The following TAFA4 variants were observed in gnomAD, a reference collection of about 807,000 sequenced individuals.
TAFA4 encodes chemokine-like protein TAFA-4.
TAFA4 carries 20 observed loss-of-function variants against 21.1 expected under a neutral mutation model. That is an observed-to-expected ratio of 0.95 (90% CI 0.67 to 1.38). The LOEUF (loss-of-function observed/expected upper bound fraction) is 1.38. TAFA4 is among the 40% of genes most tolerant of loss of function. The pLI, the probability that TAFA4 is intolerant of heterozygous loss-of-function variation, is 0.00. For missense variants in TAFA4, 211 were observed against 180.9 expected (o/e 1.17, Z -0.95); for synonymous variants, 71 against 67.4 (o/e 1.05, Z -0.26).
chr3:68,832,728 C>T (rs748912259), intron 3 of TAFA4, among the ~76,000 whole-genome samples: 7 of 152,210 alleles, frequency 4.6e-5, no homozygotes, highest in Non-Finnish European at 1.0e-4. Context: ...AGCTGTCAGG[C>T]AGTGACGTTT....
At chr3:68,802,777 T>G (rs1039095608) in intron 3 of TAFA4, among the ~76,000 whole-genome samples, 4 of 152,204 alleles carry the variant, frequency 2.6e-5, no homozygotes, top group Non-Finnish European at 4.4e-5. Flanking sequence ...GCATAGAACA[T>G]CCGAGAAATC....
chr3:68,841,838 T>A (rs902258827), intron 3 of TAFA4, among the ~76,000 whole-genome samples: 10 of 152,132 alleles, frequency 6.6e-5, no homozygotes, highest in Admixed American at 3.3e-4. Flanking sequence ...AGAATGATGG[T>A]TTCCAGCTTC....
chr3:68,833,974 T>C (rs183191019), intron 3 of TAFA4, among the ~76,000 whole-genome samples: 41 of 152,286 alleles, frequency 2.7e-4, no homozygotes, highest in African/African-American at 8.9e-4. Context: ...TAACACTCAG[T>C]TGGAGGGGAG....
At chr3:68,909,754 C>T (rs1383383686) in intron 1 of TAFA4, among the ~76,000 whole-genome samples, 2 of 152,220 alleles carry the variant, frequency 1.3e-5, no homozygotes, top group Admixed American at 1.3e-4. Context: ...TCTAATGCTG[C>T]ATAATGGATT....
intron 3 of TAFA4, among the ~76,000 whole-genome samples, chr3:68,857,204 A>G (rs1705090145): frequency 6.6e-6 from 1 of 152,154 alleles, no homozygotes; most frequent in South Asian, 2.1e-4. Context: ...CAAACTGCCA[A>G]ACGTTGTCAT....
intron 3 of TAFA4, among the ~76,000 whole-genome samples, chr3:68,855,698 A>G (rs900920824): frequency 2.6e-5 from 4 of 152,208 alleles, no homozygotes; most frequent in African/African-American, 9.6e-5. Context: ...GTGTATATAA[A>G]TTCACTGAAA....
chr3:68,765,764 A>C (rs2106774062), intron 3 of TAFA4, among the ~76,000 whole-genome samples: 1 of 152,288 alleles, frequency 6.6e-6, no homozygotes, highest in South Asian at 2.1e-4. Context: ...ACAGACATTT[A>C]ATAGCCTTTT....
rs111610374 is a variant in TAFA4, at chr3:68,841,416, G to A, written c.130+39314C>T. On this transcript the variant is annotated intron_variant, in intron 3 of 5. Coordinates refer to ENST00000295569, the MANE Select transcript of TAFA4 (RefSeq NM_182522.5). ...GTCCCTGTGGTTTCACAATTGGCTG[G>A]CACTGTTCTTACCTTCTTTCCTGAC... is the stretch of plus-strand genomic sequence containing the variant. 1.2e-3 allele frequency among the ~76,000 whole-genome samples: 177 copies of A among 152,160 alleles called. 2 individuals carry two copies. Among genetic ancestry groups the A allele is most frequent in the African/African-American group, 3.9e-3 (161 of 41,492 alleles).
chr3:68,742,699 T>C (rs1021470224), intron 4 of TAFA4, among the ~76,000 whole-genome samples: 2 of 152,190 alleles, frequency 1.3e-5, no homozygotes, highest in African/African-American at 4.8e-5. Flanking sequence ...GAAAACCACT[T>C]GTTCCCCAAA....
intron 1 of TAFA4, among the ~76,000 whole-genome samples, chr3:68,929,998 C>A (rs1453373769): frequency 1.3e-5 from 2 of 152,226 alleles, no homozygotes; most frequent in Admixed American, 1.3e-4. Flanking sequence ...ATATCACATG[C>A]ATCAACATGC....
chr3:68,793,974 TG>T (rs1703411044), intron 3 of TAFA4, among the ~76,000 whole-genome samples: 1 of 152,222 alleles, frequency 6.6e-6, no homozygotes, highest in South Asian at 2.1e-4. Flanking sequence ...CATTTAAAAG[TG>T]GACAGGTTGT....
Position 68,917,495 on chromosome 3 carries a change from C to T in TAFA4, c.-123+14745G>A, listed in dbSNP as rs181723996. ...AACGACCGGGCATGGTGGCTCACACCTGTAATCCCAGCACTTTGGGAGGCC... is the reference window on the plus strand; with the variant it reads ...AACGACCGGGCATGGTGGCTCACACTTGTAATCCCAGCACTTTGGGAGGCC... On this transcript the variant is annotated intron_variant, in intron 1 of 5. Transcript: ENST00000295569. Among the ~76,000 whole-genome samples the T allele has an allele frequency of 2.4e-3, 359 of 152,114 alleles. 1 individual carries two copies. The highest frequency in any genetic ancestry group is 8.4e-3 in the African/African-American group (350 of 41,466).
rs74336419 is a variant in TAFA4 at position 68,740,539 on chromosome 3, G to T, written c.287-1340C>A. On this transcript the variant is annotated intron_variant, in intron 4 of 5. Transcript: ENST00000295569. ...CTCCTTTTCCTACTTTTTAATTAGG[G>T]TATTAATTTTTGGCACTTGAGCAGG... Among the ~76,000 whole-genome samples the T allele has an allele frequency of 1.9e-4, 29 of 152,194 alleles. No individual in the cohort carries two copies. The East Asian group carries it at 5.6e-3, about 29-fold the overall frequency.
At chr3:68,893,849 A>C (rs918719251) in intron 1 of TAFA4, among the ~76,000 whole-genome samples, 1 of 152,234 alleles carries the variant, frequency 6.6e-6, no homozygotes, top group Non-Finnish European at 1.5e-5. Context: ...TGGACAAAAC[A>C]AGGAAATATT....
chr3:68,880,818 C>T lies in TAFA4; in HGVS notation c.42G>A (p.Leu14=), dbSNP rs77227101. The change falls in exon 3 of 6, where the codon TTG becomes TTA. Residue 14 remains leucine, a synonymous_variant. Coordinates refer to ENST00000295569, the MANE Select transcript of TAFA4 (RefSeq NM_182522.5). ...PRMRVCAKSV[L]LSHWLFLAYV... is the part of the protein sequence containing the mutation. Reference sequence around the variant, plus strand: ...AGGCTAGAAAGAGCCAGTGCGACAGCAACACTGACTTAGCACAGACTCTCA... The same window carrying T: ...AGGCTAGAAAGAGCCAGTGCGACAGTAACACTGACTTAGCACAGACTCTCA... The T allele has an allele frequency of 2.3e-4, 370 of 1,613,600 alleles. 5 individuals are homozygous for T. In the East Asian group the frequency reaches 8.2e-3, roughly 36 times the overall value.
intron 3 of TAFA4, among the ~76,000 whole-genome samples, chr3:68,782,323 T>C (rs1703169130): frequency 1.3e-5 from 2 of 152,164 alleles, no homozygotes; most frequent in Admixed American, 6.5e-5. Flanking sequence ...AGAGGATGGC[T>C]GTAAGCAGGA....
At chr3:68,919,106 A>G (rs1409660470) in intron 1 of TAFA4, among the ~76,000 whole-genome samples, 1 of 152,176 alleles carries the variant, frequency 6.6e-6, no homozygotes, top group South Asian at 2.1e-4. Context: ...GTTAGGAAAA[A>G]CAATTTTTAA....
At chr3:68,805,872 G>T (rs1025270679) in intron 3 of TAFA4, among the ~76,000 whole-genome samples, 2 of 152,014 alleles carry the variant, frequency 1.3e-5, no homozygotes, top group Non-Finnish European at 2.9e-5. Context: ...GAGTTAATGG[G>T]TGCAGCATAC....
chr3:68,765,003 CAAAG>C (rs965129821), intron 3 of TAFA4, among the ~76,000 whole-genome samples: 13 of 151,926 alleles, frequency 8.6e-5, no homozygotes, highest in African/African-American at 3.1e-4. Flanking sequence ...AACCAAAAGA[CAAAG>C]AAGCCAGAAG....
Sources: allele counts gnomAD v4.1 joint callset (sites outside exome capture counted in the v4.1 genomes callset), GRCh38; gene constraint gnomAD v4.1.1; transcripts MANE v1.5; gene names NCBI Gene and HGNC (gene_info 2026-07-23, HGNC 2026-07-21).